Variants in SEMA3A observed in about 807,000 individuals in gnomAD.
SEMA3A encodes the protein semaphorin 3A.
Under a neutral mutation model 97.9 loss-of-function variants are expected in SEMA3A, and 29 were observed. That is an observed-to-expected ratio of 0.30 (90% CI 0.22 to 0.40). The LOEUF (loss-of-function observed/expected upper bound fraction) is 0.40, where lower values mean the gene tolerates loss of function less well. Ranked by LOEUF, SEMA3A falls within the 10% of genes least tolerant of loss-of-function variation. SEMA3A has a pLI of 1.00. For synonymous variants in SEMA3A, 321 were observed against 323.7 expected (o/e 0.99, Z 0.09); for missense variants, 763 against 951.3 (o/e 0.80, Z 2.60).
At chr7:84,063,623 C>A (rs570960597) in intron 4 of SEMA3A, among the ~76,000 whole-genome samples, 1 of 151,446 alleles carries the variant, frequency 6.6e-6, no homozygotes, top group East Asian at 2.0e-4. Flanking sequence ...ATGAAGAATG[C>A]AGAAGCCTCA....
At chr7:84,175,734 C>CTTT (rs113449224) in intron 1 of SEMA3A, among the ~76,000 whole-genome samples, 7 of 151,166 alleles carry the variant, frequency 4.6e-5, no homozygotes, top group East Asian at 1.9e-4. Flanking sequence ...CTACAGCAAC[C>CTTT]TTTTTTTTTC....
chr7:84,052,808 G>T (rs572683610), intron 5 of SEMA3A, among the ~76,000 whole-genome samples: 1,738 of 150,016 alleles, frequency 0.012, 35 homozygotes, highest in African/African-American at 0.04. Context: ...TGATGTTAGG[G>T]TGTCAATTTT....
At chr7:84,213,015 G>A (rs1798666919) in intron 3 of SEMA3A, among the ~76,000 whole-genome samples, 1 of 152,032 alleles carries the variant, frequency 6.6e-6, no homozygotes, top group Admixed American at 6.6e-5. Context: ...CCAGGCTGGA[G>A]TGCAATGGCT....
At chr7:84,470,331 T>G (rs1806114225) in intron 1 of SEMA3A, among the ~76,000 whole-genome samples, 1 of 152,130 alleles carries the variant, frequency 6.6e-6, no homozygotes, top group Non-Finnish European at 1.5e-5. Flanking sequence ...TTTGGCCAAA[T>G]TTATCTTCCT....
At chr7:84,328,475 A>C (rs1801826057) in intron 2 of SEMA3A, among the ~76,000 whole-genome samples, 1 of 152,010 alleles carries the variant, frequency 6.6e-6, no homozygotes, top group South Asian at 2.1e-4. Flanking sequence ...AGTAACTTTT[A>C]GAATAAGAAG....
intron 3 of SEMA3A, among the ~76,000 whole-genome samples, chr7:84,211,875 C>T (rs1288778682): frequency 3.3e-5 from 5 of 152,056 alleles, no homozygotes; most frequent in Non-Finnish European, 7.4e-5. Context: ...AATGTAAAGA[C>T]AAAAAGTAGG....
chr7:83,962,827 A>G (rs1788523748), intron 16 of SEMA3A, among the ~76,000 whole-genome samples: 1 of 152,228 alleles, frequency 6.6e-6, no homozygotes, highest in Admixed American at 6.5e-5. Flanking sequence ...GGATAAAGAA[A>G]AACAGATTTT....
At chr7:84,074,090 A>T (rs945920277) in intron 4 of SEMA3A, among the ~76,000 whole-genome samples, 2 of 152,096 alleles carry the variant, frequency 1.3e-5, no homozygotes, top group Admixed American at 1.3e-4. Context: ...TGATTTTTAA[A>T]ATCTCTTTTC....
intron 6 of SEMA3A, among the ~76,000 whole-genome samples, chr7:84,033,156 T>C (rs1791819426): frequency 1.3e-5 from 2 of 152,172 alleles, no homozygotes. Flanking sequence ...AGTTAATTCA[T>C]AATAACCTCT....
chr7:84,293,400 A>C (rs766129178), intron 3 of SEMA3A, among the ~76,000 whole-genome samples: 34 of 152,028 alleles, frequency 2.2e-4, no homozygotes, highest in Non-Finnish European at 4.6e-4. Flanking sequence ...ATGAATCAAT[A>C]ATTTTTTTTT....
chr7:84,344,742 C>G (rs1346606864), intron 2 of SEMA3A, among the ~76,000 whole-genome samples: 1 of 152,022 alleles, frequency 6.6e-6, no homozygotes, highest in African/African-American at 2.4e-5. Context: ...AAAGAATAGG[C>G]AGAAAAATAT....
intron 9 of SEMA3A, among the ~76,000 whole-genome samples, chr7:84,009,931 C>T (rs1319591567): frequency 6.8e-6 from 1 of 147,218 alleles, no homozygotes; most frequent in African/African-American, 2.5e-5. Context: ...AAAAAAAACC[C>T]AGTCATAATG....
At chr7:84,053,695 G>A (rs1005238446) in intron 5 of SEMA3A, among the ~76,000 whole-genome samples, 1 of 149,822 alleles carries the variant, frequency 6.7e-6, no homozygotes, top group Admixed American at 6.7e-5. Context: ...TTTAATTGGA[G>A]CATTTAGTCC....
chr7:84,322,708 T>C (rs1331389504), intron 2 of SEMA3A, among the ~76,000 whole-genome samples: 1 of 152,206 alleles, frequency 6.6e-6, no homozygotes, highest in East Asian at 1.9e-4. Context: ...AAGTCTCAGG[T>C]GTGTCTTCAT....
At chr7:84,018,648 A>G (rs370091947) in intron 6 of SEMA3A, among the ~76,000 whole-genome samples, 13 of 152,222 alleles carry the variant, frequency 8.5e-5, no homozygotes, top group African/African-American at 2.7e-4. Context: ...AATAACCAGA[A>G]ACATCTCAGG....
chr7:84,255,930 T>C (rs905581387), intron 3 of SEMA3A, among the ~76,000 whole-genome samples: 1 of 148,252 alleles, frequency 6.7e-6, no homozygotes, highest in Non-Finnish European at 1.5e-5. Context: ...TTCAGATTTA[T>C]TGAATATCTA....
chr7:84,118,624 A>G (rs1795505628), intron 3 of SEMA3A, among the ~76,000 whole-genome samples: 1 of 152,182 alleles, frequency 6.6e-6, no homozygotes, highest in East Asian at 1.9e-4. Context: ...CTCCATGACA[A>G]AAGACATCAG....
At position 84,021,005 on chromosome 7, in the gene SEMA3A, G is replaced by T. The variant is rs143529784; in HGVS notation, c.668-6654C>A. On this transcript the variant is annotated intron_variant, in intron 6 of 16. Transcript: ENST00000265362. The stretch of plus-strand genomic sequence containing the variant: ...AAAACTGATGTACTGACATTACTCT[G>T]TCAGGACAAAGGCTAAAAGTATCTA... 1.5e-3 allele frequency among the ~76,000 whole-genome samples: 222 copies of T among 152,298 alleles called. 2 individuals carry two copies. The East Asian group carries it at 0.016, about 11-fold the overall frequency.
chr7:83,977,540 G>C (rs1789200893), intron 14 of SEMA3A, among the ~76,000 whole-genome samples: 1 of 151,760 alleles, frequency 6.6e-6, no homozygotes, highest in Admixed American at 6.6e-5. Flanking sequence ...CCTAACTTCT[G>C]TGGAAAAAGC....
Sources: gnomAD v4.1 joint callset for allele counts (sites outside exome capture counted in the v4.1 genomes callset) on GRCh38, gnomAD v4.1.1 for gene constraint, MANE v1.5 for transcripts, NCBI Gene and HGNC (gene_info 2026-07-23, HGNC 2026-07-21) for gene names.